ANKRD62: variants seen among roughly 807,000 people sequenced by gnomAD.
ANKRD62 encodes ankyrin repeat domain-containing protein 62.
In ANKRD62, 61 loss-of-function variants were observed where a neutral mutation model predicts 98.8. That is an observed-to-expected ratio of 0.62 (90% CI 0.50 to 0.76). The LOEUF (loss-of-function observed/expected upper bound fraction) is 0.76, where lower values mean the gene tolerates loss of function less well. ANKRD62 is among the 30% of genes least tolerant of loss of function. The probability of loss-of-function intolerance (pLI) is 0.00; values close to 1 mark genes in which losing one functional copy is unlikely to be tolerated. For missense variants in ANKRD62, 933 were observed against 1,082.9 expected (o/e 0.86, Z 1.94); for synonymous variants, 341 against 367.9 (o/e 0.93, Z 0.84).
the ANKRD62 span, among the ~76,000 whole-genome samples, chr18:12,154,145 A>G: frequency 6.6e-6 from 1 of 152,308 alleles, no homozygotes; most frequent in East Asian, 1.9e-4. Flanking sequence ...GGCAAGAGAA[A>G]CTATCAACAG....
downstream of ANKRD62, among the ~76,000 whole-genome samples, chr18:12,130,711 G>C (rs905330463): frequency 1.3e-5 from 2 of 151,930 alleles, no homozygotes; most frequent in Non-Finnish European, 2.9e-5. Flanking sequence ...GATGCAGTGG[G>C]GCACAGAGTC....
chr18:12,095,134 C>A, intron 1 of ANKRD62, 37 bp from the exon 2 acceptor site: 1 of 1,429,872 alleles, frequency 7.0e-7, no homozygotes, highest in Non-Finnish European at 9.5e-7. Flanking sequence ...TGGGACTGTG[C>A]ACTACAATTG....
chr18:12,093,975 T>C lies in ANKRD62; in HGVS notation c.-43T>C. ...GAAAACGAGTGGGAGCTGAGGTGTC[T>C]TAAAGCCGTTCCTCAGCCTGGGAGA... is the stretch of plus-strand genomic sequence containing the variant. On this transcript the variant is annotated 5_prime_UTR_variant, in exon 1 of 14. Coordinates refer to ENST00000587848, the MANE Select transcript of ANKRD62 (RefSeq NM_001277333.2). The C allele has an allele frequency of 6.5e-7, 1 of 1,527,492 alleles. No homozygotes were observed. The highest frequency in any genetic ancestry group is 8.8e-7 in the Non-Finnish European group (1 of 1,141,086). The allele number at this position is 1,527,492 out of a possible 1,614,324, so 94.6% of individuals were successfully genotyped here.
chr18:12,117,369 G>A (rs964959366), intron 10 of ANKRD62, among the ~76,000 whole-genome samples: 6 of 152,132 alleles, frequency 3.9e-5, no homozygotes, highest in Non-Finnish European at 7.4e-5. Flanking sequence ...TGGCCCACAG[G>A]TTAGAGTTTA....
In ANKRD62 at chr18:12,096,247, G is replaced by T; in HGVS notation, c.559G>T (p.Val187Leu). ...TGTAAATAGGAAAAAAGAGCAAATG[G>T]TGGCATTTTTGTTGAAGAAAAAACC... The part of the protein sequence containing the change: ...LAVNRKKEQM[V>L]AFLLKKKPDL... Residue 187 changes from valine (V) to leucine (L), a missense_variant, in exon 4 of 14, where the codon GTG (valine) becomes TTG (leucine). This residue lies in a region of ANKRD62 where 549 missense variants were observed against 587.9 expected (regional missense o/e 0.93). Coordinates refer to ENST00000587848, the MANE Select transcript of ANKRD62 (RefSeq NM_001277333.2). 2.6e-6 allele frequency: 4 copies of T among 1,536,604 alleles called. No individual in the cohort carries two copies. Among genetic ancestry groups the T allele is most frequent in the Non-Finnish European group, 3.5e-6 (4 of 1,146,420 alleles).
the ANKRD62 span, among the ~76,000 whole-genome samples, chr18:12,146,020 G>T: frequency 6.6e-6 from 1 of 151,834 alleles, no homozygotes; most frequent in Non-Finnish European, 1.5e-5. Flanking sequence ...CTCAGAAAGA[G>T]GGGCAGGCCA....
At chr18:12,172,507 C>G in the ANKRD62 span, among the ~76,000 whole-genome samples, 2 of 152,146 alleles carry the variant, frequency 1.3e-5, no homozygotes, top group Non-Finnish European at 2.9e-5. Flanking sequence ...AGAGGGCCAC[C>G]CTGCCATATG....
chr18:12,134,917 T>G, the ANKRD62 span, among the ~76,000 whole-genome samples: 4 of 152,160 alleles, frequency 2.6e-5, no homozygotes, highest in African/African-American at 9.7e-5. Flanking sequence ...CAAATGGTAT[T>G]TCTAGTTCCA....
At chr18:12,125,267 G>A (rs747339185) in intron 12 of ANKRD62, among the ~76,000 whole-genome samples, 193 bp from the exon 13 acceptor site, 2 of 151,618 alleles carry the variant, frequency 1.3e-5, no homozygotes, top group Non-Finnish European at 2.9e-5. Flanking sequence ...CTTCAAATAC[G>A]TTTTTGAACT....
chr18:12,169,040 C>T, the ANKRD62 span, among the ~76,000 whole-genome samples: 14 of 152,094 alleles, frequency 9.2e-5, no homozygotes, highest in Non-Finnish European at 1.9e-4. Context: ...TGGGCTGAGA[C>T]GACGAGGTTT....
the ANKRD62 span, among the ~76,000 whole-genome samples, chr18:12,176,301 G>A: frequency 6.7e-6 from 1 of 149,324 alleles, no homozygotes. Flanking sequence ...ATCTCTCAAT[G>A]GACTAAACTT....
At chr18:12,167,957 TG>T in the ANKRD62 span, among the ~76,000 whole-genome samples, 7 of 152,240 alleles carry the variant, frequency 4.6e-5, no homozygotes, top group African/African-American at 1.7e-4. Context: ...TCATATGCTT[TG>T]CCCACTTTTT....
chr18:12,122,646 G>A (rs948301880), intron 11 of ANKRD62, 130 bp downstream of exon 11: 1 of 727,018 alleles, frequency 1.4e-6, no homozygotes, highest in African/African-American at 1.8e-5. Context: ...TGTGGAATGT[G>A]AAATTTTTGG....
At chr18:12,165,022 A>G in the ANKRD62 span, among the ~76,000 whole-genome samples, 2 of 152,010 alleles carry the variant, frequency 1.3e-5, no homozygotes, top group South Asian at 2.1e-4. Context: ...CCCCTTTATC[A>G]TTATATAATG....
At chr18:12,114,618 G>GTA (rs1447264905) in intron 8 of ANKRD62, among the ~76,000 whole-genome samples, 15 of 152,108 alleles carry the variant, frequency 9.9e-5, no homozygotes, top group Non-Finnish European at 1.5e-5. Context: ...CATGTACAGT[G>GTA]TTTAGAATAG....
At chr18:12,152,928 A>C in the ANKRD62 span, among the ~76,000 whole-genome samples, 1 of 152,164 alleles carries the variant, frequency 6.6e-6, no homozygotes, top group Non-Finnish European at 1.5e-5. Context: ...TCAGCCAAAA[A>C]TCTCCTTAAG....
the ANKRD62 span, among the ~76,000 whole-genome samples, chr18:12,166,262 A>C: frequency 6.6e-6 from 1 of 152,016 alleles, no homozygotes; most frequent in Non-Finnish European, 1.5e-5. Context: ...ACTGAAGACC[A>C]ATAATTCTTA....
chr18:12,167,629 A>G, the ANKRD62 span, among the ~76,000 whole-genome samples: 3 of 152,224 alleles, frequency 2.0e-5, no homozygotes, highest in Admixed American at 6.5e-5. Context: ...AACATGATTT[A>G]TAATCCTTTG....
chr18:12,119,811 A>T (rs1909747044), intron 10 of ANKRD62, among the ~76,000 whole-genome samples: 1 of 150,360 alleles, frequency 6.7e-6, no homozygotes, highest in African/African-American at 2.4e-5. Flanking sequence ...TTGATTTGAG[A>T]CTCTTCTAAT....
Sources: gnomAD v4.1 joint callset for allele counts (sites outside exome capture counted in the v4.1 genomes callset) on GRCh38, gnomAD v4.1.1 for gene constraint, gnomAD v4.1.1 regional missense constraint, MANE v1.5 for transcripts, NCBI Gene and HGNC (gene_info 2026-07-23, HGNC 2026-07-21) for gene names.